The following KPNA6 variants were observed in gnomAD, a reference collection of about 807,000 sequenced individuals.
KPNA6 encodes the protein importin subunit alpha-7.
KPNA6 carries 9 observed loss-of-function variants against 72.0 expected under a neutral mutation model. The ratio of observed to expected loss-of-function variants is 0.13; its 90% confidence interval spans 0.08 to 0.22. KPNA6 has a LOEUF of 0.22. Ranked by LOEUF, KPNA6 falls within the 10% of genes least tolerant of loss-of-function variation. The pLI, the probability that KPNA6 is intolerant of heterozygous loss-of-function variation, is 1.00. For synonymous variants in KPNA6, 219 were observed against 242.1 expected (o/e 0.90, Z 0.89); for missense variants, 374 against 655.7 (o/e 0.57, Z 4.69).
At chr1:32,150,067 T>C (rs1642000673) in intron 1 of KPNA6, among the ~76,000 whole-genome samples, 1 of 151,932 alleles carries the variant, frequency 6.6e-6, no homozygotes, top group Admixed American at 6.6e-5. Flanking sequence ...TGTTTTTATC[T>C]TGCTTAAGGA....
rs548786959 is a variant in KPNA6 at position 32,126,376 on chromosome 1, C to T, written c.4+18242C>T. On this transcript the variant is annotated intron_variant, in intron 1 of 13. Transcript: ENST00000373625. ...GGTGTTAGGTATAGATTGCAGAAGT[C>T]ATCAGCATTTGTTTGTTTATTTTTT... Among the ~76,000 whole-genome samples the T allele has an allele frequency of 6.8e-5, 9 of 132,206 alleles. No individual in the cohort carries two copies. In the South Asian group the frequency reaches 1.7e-3, roughly 25 times the overall value. The allele number at this position is 132,206 out of a possible 152,430, so 86.7% of individuals were successfully genotyped here. A position where few individuals can be genotyped will look rare whatever the true frequency, so the allele number is the denominator to read the frequency against.
intron 1 of KPNA6, among the ~76,000 whole-genome samples, chr1:32,132,153 T>A (rs1344389566): frequency 6.6e-6 from 1 of 151,882 alleles, no homozygotes; most frequent in Non-Finnish European, 1.5e-5. Context: ...GTATTTTTAG[T>A]AGAGACAGAG....
rs1359088907 is a variant in KPNA6, at chr1:32,170,156, G to C, written c.1423+96G>C. 3.7e-6 allele frequency: 4 copies of C among 1,093,504 alleles called. No individual in the cohort carries two copies. In the African/African-American group the frequency reaches 4.7e-5, roughly 13 times the overall value. The allele number at this position is 1,093,504 out of a possible 1,614,324, so 67.7% of individuals were successfully genotyped here. Reference sequence around the variant, plus strand: ...GTGGTGGCGGAGTGTGGGTTGGGAAGCATCCATAGCTTCCATGAGACTGAT... The same window carrying C: ...GTGGTGGCGGAGTGTGGGTTGGGAACCATCCATAGCTTCCATGAGACTGAT... On this transcript the variant is annotated intron_variant, in intron 13 of 13. Transcript: ENST00000373625.
intron 11 of KPNA6, among the ~76,000 whole-genome samples, chr1:32,166,526 G>T (rs750312001): frequency 1.3e-5 from 2 of 151,670 alleles, no homozygotes; most frequent in Non-Finnish European, 2.9e-5. Flanking sequence ...TCGGGAGGCT[G>T]AGGCAGGAGA....
intron 1 of KPNA6, among the ~76,000 whole-genome samples, chr1:32,112,456 T>C (rs1222140940): frequency 6.6e-6 from 1 of 152,174 alleles, no homozygotes; most frequent in African/African-American, 2.4e-5. Flanking sequence ...CTCTTAAGTG[T>C]GCAATAATAT....
chr1:32,142,585 A>C (rs1462813290), intron 1 of KPNA6, among the ~76,000 whole-genome samples: 1 of 152,202 alleles, frequency 6.6e-6, no homozygotes, highest in Admixed American at 6.5e-5. Context: ...TTAAAAGCTT[A>C]GAAAGTGCAT....
In KPNA6 at chr1:32,176,291, C is replaced by T. The variant is rs1268926005; in HGVS notation, c.*5397C>T. On this transcript the variant is annotated 3_prime_UTR_variant, in exon 14 of 14. Transcript: ENST00000373625. Reference sequence around the variant, plus strand: ...AGCTATGGACCCTTGGAAGATGAATCTAATCCTTCTCACTGGTTTTTCTTT... The same window carrying T: ...AGCTATGGACCCTTGGAAGATGAATTTAATCCTTCTCACTGGTTTTTCTTT... 3 of 151,814 alleles carry T rather than the reference C, an allele frequency of 2.0e-5. No individual in the cohort carries two copies. The highest frequency in any genetic ancestry group is 7.3e-5 in the African/African-American group (3 of 41,312). The allele number at this position is 151,814 out of a possible 1,614,324, so 9.4% of individuals were successfully genotyped here. A position where few individuals can be genotyped will look rare whatever the true frequency, so the allele number is the denominator to read the frequency against.
intron 1 of KPNA6, among the ~76,000 whole-genome samples, chr1:32,143,996 C>T (rs747273200): frequency 2.8e-4 from 43 of 152,156 alleles, no homozygotes; most frequent in African/African-American, 8.5e-4. Context: ...TATTCCAACA[C>T]CCCCAGTGGA....
At chr1:32,130,427 G>A (rs1641616709) in intron 1 of KPNA6, among the ~76,000 whole-genome samples, 1 of 152,124 alleles carries the variant, frequency 6.6e-6, no homozygotes, top group African/African-American at 2.4e-5. Flanking sequence ...ACACAGGAAA[G>A]GAACTTGTAT....
chr1:32,120,247 A>AT (rs1430437938), intron 1 of KPNA6, among the ~76,000 whole-genome samples: 2,385 of 141,698 alleles, frequency 0.017, 44 homozygotes, highest in African/African-American at 0.051. Context: ...TTAAATGTTA[A>AT]TTTTTTTTTT....
chr1:32,166,131 T>C lies in KPNA6; in HGVS notation c.1017T>C (p.Pro339=). The C allele has an allele frequency of 2.5e-6, 4 of 1,614,152 alleles. No individual in the cohort carries two copies. Among genetic ancestry groups the C allele is most frequent in the Non-Finnish European group, 3.4e-6 (4 of 1,179,984 alleles). Residue 339 remains proline (P), a synonymous_variant, in exon 11 of 14, where the codon CCT becomes CCC. Coordinates refer to ENST00000373625, the MANE Select transcript of KPNA6 (RefSeq NM_012316.5). ...TCATTCTTAACTGTTCAGCCCTACC[T>C]TGCCTTCTCCACTTGTTGAGCAGTC... ...TQVILNCSAL[P]CLLHLLSSPK...
rs543148092 is a variant in KPNA6, at chr1:32,119,708, A to G, written c.4+11574A>G. On this transcript the variant is annotated intron_variant, in intron 1 of 13. Transcript: ENST00000373625. ...GTGTTGTTGATTTCGCATCCTTTCC[A>G]CAATTCCTCTCCCTCTTGAAGCTGG... Among the ~76,000 whole-genome samples, 5 of 150,500 alleles carry G rather than the reference A, an allele frequency of 3.3e-5. No individual in the cohort carries two copies. The East Asian group carries it at 9.7e-4, about 29-fold the overall frequency.
chr1:32,126,493 T>G (rs1447505226), intron 1 of KPNA6, among the ~76,000 whole-genome samples: 1 of 152,120 alleles, frequency 6.6e-6, no homozygotes, highest in Non-Finnish European at 1.5e-5. Flanking sequence ...CAAGTGATTC[T>G]TCTGCCGCAG....
chr1:32,129,526 T>G (rs1370074354), intron 1 of KPNA6, among the ~76,000 whole-genome samples: 1 of 151,980 alleles, frequency 6.6e-6, no homozygotes, highest in African/African-American at 2.4e-5. Flanking sequence ...ATTTGTATCA[T>G]TTGATATTTG....
intron 1 of KPNA6, among the ~76,000 whole-genome samples, chr1:32,147,195 T>C (rs1006100302): frequency 6.6e-6 from 1 of 152,196 alleles, no homozygotes; most frequent in Non-Finnish European, 1.5e-5. Flanking sequence ...CTTTTGCTTA[T>C]AGGGAAATGT....
At chr1:32,170,110 C>A in intron 13 of KPNA6, 50 bp downstream of exon 13, 2 of 1,525,200 alleles carry the variant, frequency 1.3e-6, no homozygotes, top group South Asian at 1.2e-5. Context: ...TGTAGGCCTC[C>A]AACGTGGTAT....
chr1:32,158,210 T>C (rs1417310932), intron 4 of KPNA6, 57 bp from the exon 5 acceptor site: 2 of 1,146,180 alleles, frequency 1.7e-6, no homozygotes, highest in Non-Finnish European at 2.6e-6. Flanking sequence ...CTGACCCCCA[T>C]GAAGGGATCA....
At position 32,160,693 on chromosome 1, in the gene KPNA6, C is replaced by G; in HGVS notation, c.637C>G (p.Pro213Ala). The G allele has an allele frequency of 6.2e-7, 1 of 1,613,166 alleles. No homozygotes were observed. The highest frequency in any genetic ancestry group is 8.5e-7 in the Non-Finnish European group (1 of 1,179,150). The change falls in exon 7 of 14, where the codon CCT becomes GCT. Residue 213 changes from proline to alanine, a missense_variant. Around this residue, in one of 3 missense-constraint regions of KPNA6, gnomAD observed 298 missense variants for 495.4 expected, o/e 0.60. Transcript: ENST00000373625. ...DYVLNCSILN[P>A]LLTLLTKSTR... ...CGTCTTGAACTGTTCCATCCTTAAT[C>G]CTTTGTTAACGTGAGTAATTATAAT...
At chr1:32,140,366 A>C (rs1570030008) in intron 1 of KPNA6, among the ~76,000 whole-genome samples, 1 of 152,144 alleles carries the variant, frequency 6.6e-6, no homozygotes, top group African/African-American at 2.4e-5. Flanking sequence ...CCTGGGCAAC[A>C]GAGCGAGACT....
Sources: gnomAD v4.1 joint callset for allele counts (sites outside exome capture counted in the v4.1 genomes callset) on GRCh38, gnomAD v4.1.1 for gene constraint, gnomAD v4.1.1 regional missense constraint, MANE v1.5 for transcripts, NCBI Gene and HGNC (gene_info 2026-07-23, HGNC 2026-07-21) for gene names.